Variants in CLVS2 observed in about 807,000 individuals in gnomAD.
The protein encoded by CLVS2 is clavesin 2.
Under a neutral mutation model 29.0 loss-of-function variants are expected in CLVS2, and 19 were observed. That is an observed-to-expected ratio of 0.66 (90% confidence interval 0.46 to 0.96). CLVS2 has a LOEUF of 0.96. Among genes scored for constraint, CLVS2 ranks in the 40% least tolerant of loss-of-function variants. The pLI is 0.00. For synonymous variants in CLVS2, 161 were observed against 151.3 expected (o/e 1.06, Z -0.47); for missense variants, 294 against 404.1 (o/e 0.73, Z 2.34).
intron 2 of CLVS2, among the ~76,000 whole-genome samples, chr6:123,009,099 C>T (rs1582644432): frequency 6.6e-6 from 1 of 152,082 alleles, no homozygotes; most frequent in African/African-American, 2.4e-5. Context: ...ATTTACTGAA[C>T]ACCTGTTTAT....
intron 2 of CLVS2, among the ~76,000 whole-genome samples, chr6:123,001,055 G>A (rs147092400): frequency 3.0e-4 from 45 of 152,216 alleles, no homozygotes; most frequent in African/African-American, 1.0e-3. Flanking sequence ...TATTTAGTAC[G>A]GCACTTGAAC....
At chr6:123,016,338 T>TG (rs1469712499) in intron 3 of CLVS2, among the ~76,000 whole-genome samples, 2 of 32,698 alleles carry the variant, frequency 6.1e-5, no homozygotes, top group African/African-American at 1.6e-4. Context: ...CGTGCTTTTT[T>TG]TGGGGGGGAG....
chr6:123,042,391 C>T (rs1775246576), intron 3 of CLVS2, among the ~76,000 whole-genome samples: 1 of 152,112 alleles, frequency 6.6e-6, no homozygotes, highest in Non-Finnish European at 1.5e-5. Flanking sequence ...TGAAATTTGG[C>T]TTCTACACAA....
At chr6:123,005,240 A>G (rs1364632407) in intron 2 of CLVS2, among the ~76,000 whole-genome samples, 1 of 152,218 alleles carries the variant, frequency 6.6e-6, no homozygotes, top group Non-Finnish European at 1.5e-5. Flanking sequence ...TTACCCAGAT[A>G]GACATATTAT....
intron 3 of CLVS2, among the ~76,000 whole-genome samples, chr6:123,038,536 C>T (rs577933618): frequency 2.1e-4 from 32 of 152,148 alleles, no homozygotes; most frequent in African/African-American, 7.7e-4. Flanking sequence ...TTGGCCATTT[C>T]AGAACATTTG....
rs927567116 is a variant in CLVS2, at chr6:123,069,009, A to G, written c.*5248A>G. On this transcript the variant is annotated 3_prime_UTR_variant, in exon 6 of 6. Transcript: ENST00000275162. ...AAATTAGCAATATTTTTATTTTGAG[A>G]GAAATTGTGCTTAGCTATTTAAGTT... The G allele has an allele frequency of 4.0e-5, 6 of 151,842 alleles. No homozygotes were observed. In the East Asian group the frequency reaches 5.8e-4, roughly 15 times the overall value. 9.4% of individuals were successfully genotyped at this position (151,842 alleles called of 1,614,324 possible).
intron 3 of CLVS2, among the ~76,000 whole-genome samples, chr6:123,030,837 A>AAT (rs150269067): frequency 0.39 from 57,206 of 146,024 alleles, 11,486 homozygotes; most frequent in South Asian, 0.46. Flanking sequence ...ATATATATAA[A>AAT]ATATATATAT....
chr6:123,025,894 T>C (rs992873923), intron 3 of CLVS2, among the ~76,000 whole-genome samples: 2 of 152,134 alleles, frequency 1.3e-5, no homozygotes, highest in African/African-American at 4.8e-5. Context: ...GATCACTCCC[T>C]GATAAAATTT....
intron 3 of CLVS2, among the ~76,000 whole-genome samples, chr6:123,029,209 T>A (rs1429123754): frequency 2.0e-5 from 3 of 152,176 alleles, no homozygotes; most frequent in African/African-American, 7.2e-5. Context: ...GATACCAAAG[T>A]AGAAAAGTAA....
intron 2 of CLVS2, among the ~76,000 whole-genome samples, chr6:123,009,439 C>G (rs1008431687): frequency 4.6e-5 from 7 of 152,090 alleles, no homozygotes; most frequent in African/African-American, 7.2e-5. Flanking sequence ...AAGAAATTGC[C>G]TGAAGTGCTA....
At chr6:123,029,707 G>A (rs1431040518) in intron 3 of CLVS2, among the ~76,000 whole-genome samples, 1 of 152,132 alleles carries the variant, frequency 6.6e-6, no homozygotes, top group Non-Finnish European at 1.5e-5. Flanking sequence ...GACTTGACAG[G>A]ACAAGTGTAT....
At chr6:123,017,747 T>G (rs1774858267) in intron 3 of CLVS2, among the ~76,000 whole-genome samples, 2 of 152,112 alleles carry the variant, frequency 1.3e-5, no homozygotes, top group Admixed American at 1.3e-4. Context: ...TATATAATCT[T>G]TGATAATGGA....
intron 3 of CLVS2, among the ~76,000 whole-genome samples, chr6:123,044,266 T>G (rs1582659883): frequency 6.6e-6 from 1 of 152,208 alleles, no homozygotes; most frequent in South Asian, 2.1e-4. Flanking sequence ...ATATTGTGAT[T>G]TTTATTATTA....
intron 2 of CLVS2, among the ~76,000 whole-genome samples, chr6:122,999,214 C>T (rs1403816310): frequency 6.6e-6 from 1 of 152,186 alleles, no homozygotes; most frequent in Non-Finnish European, 1.5e-5. Context: ...TTTAAATCAT[C>T]TCTGGAGCCA....
At position 122,998,104 on chromosome 6, in the gene CLVS2, C is replaced by A. The variant is rs754651337; in HGVS notation, c.327C>A (p.Ala109=). The A allele has an allele frequency of 3.7e-6, 6 of 1,613,986 alleles. No individual in the cohort carries two copies. The Admixed American group carries it at 1.0e-4, about 27-fold the overall frequency. The change falls in exon 2 of 6, where the codon GCC becomes GCA. Residue 109 remains alanine, a synonymous_variant. Transcript: ENST00000275162. ...AGGATGGCTTCCCTGGGGGCCTGGC[C>A]AATCTGGACCACTATGGCAGGAAGA... is the stretch of plus-strand genomic sequence containing the variant. ...ALKDGFPGGL[A]NLDHYGRKIL...
intron 2 of CLVS2, among the ~76,000 whole-genome samples, chr6:123,001,261 G>A (rs548367790): frequency 3.3e-5 from 5 of 152,154 alleles, no homozygotes; most frequent in Non-Finnish European, 5.9e-5. Context: ...GTCTGTTTCT[G>A]CTGCAATTTA....
chr6:122,997,401 G>C lies in CLVS2; in HGVS notation c.-377G>C, dbSNP rs939175775. The C allele has an allele frequency of 8.2e-6, 2 of 243,746 alleles. No homozygotes were observed. The highest frequency in any genetic ancestry group is 4.5e-5 in the African/African-American group (2 of 43,970). The allele number at this position is 243,746 out of a possible 1,614,324, so 15.1% of individuals were successfully genotyped here. Reference sequence around the variant, plus strand: ...TCTTGGAAGAGAAGAGAAGAGGACAGTACCAAGATCAGAAACACCCGTGCT... The same window carrying C: ...TCTTGGAAGAGAAGAGAAGAGGACACTACCAAGATCAGAAACACCCGTGCT... On this transcript the variant is annotated 5_prime_UTR_variant, in exon 2 of 6. Coordinates refer to ENST00000275162, the MANE Select transcript of CLVS2 (RefSeq NM_001010852.4).
At position 122,997,998 on chromosome 6, in the gene CLVS2, A is replaced by G; in HGVS notation, c.221A>G (p.Gln74Arg). 6.2e-7 allele frequency: 1 copy of G among 1,614,174 alleles called. No individual in the cohort carries two copies. Among genetic ancestry groups the G allele is most frequent in the Non-Finnish European group, 8.5e-7 (1 of 1,180,030 alleles). Residue 74 changes from glutamine to arginine, a missense_variant, in exon 2 of 6, where the codon CAG becomes CGG. Around this residue, in one of 2 missense-constraint regions of CLVS2, gnomAD observed 212 missense variants for 336.4 expected, o/e 0.63. Coordinates refer to ENST00000275162, the MANE Select transcript of CLVS2 (RefSeq NM_001010852.4). ...TTTGAGGCCTTCCGCCTCCTGGCGC[A>G]GTACTTTGAGTACCGGCAGCAGAAC... ...HHFEAFRLLA[Q>R]YFEYRQQNLD...
chr6:123,066,546 C>T lies in CLVS2; in HGVS notation c.*2785C>T, dbSNP rs905241982. The T allele has an allele frequency of 6.6e-6, 1 of 151,740 alleles. No homozygotes were observed. 9.4% of individuals were successfully genotyped at this position (151,740 alleles called of 1,614,324 possible). On this transcript the variant is annotated 3_prime_UTR_variant, in exon 6 of 6. Coordinates refer to ENST00000275162, the MANE Select transcript of CLVS2 (RefSeq NM_001010852.4). ...ATTTACTTCTTTCACCCTGCCTGTT[C>T]CATCTTCTATTTCTGATATTTTTTC...
Sources: allele counts gnomAD v4.1 joint callset (sites outside exome capture counted in the v4.1 genomes callset), GRCh38; gene constraint gnomAD v4.1.1; regional missense constraint gnomAD v4.1.1; transcripts MANE v1.5; gene names NCBI Gene and HGNC (gene_info 2026-07-23, HGNC 2026-07-21).